Variants in CRADD observed in about 807,000 individuals in gnomAD.
CRADD encodes the protein CARD and death domain containing adaptor protein.
In CRADD, 9 loss-of-function variants were observed where a neutral mutation model predicts 15.5. The ratio of observed to expected loss-of-function variants is 0.58; its 90% CI spans 0.35 to 1.01. CRADD has a LOEUF of 1.01. Ranked by LOEUF, CRADD falls within the 50% of genes least tolerant of loss-of-function variation. The probability of loss-of-function intolerance (pLI) is 0.02; values close to 1 mark genes in which losing one functional copy is unlikely to be tolerated. For synonymous variants in CRADD, 118 were observed against 107.6 expected (o/e 1.10, Z -0.60); for missense variants, 227 against 250.3 (o/e 0.91, Z 0.63).
intron 2 of CRADD, among the ~76,000 whole-genome samples, chr12:93,795,970 T>C (rs1957411402): frequency 6.6e-6 from 1 of 152,218 alleles, no homozygotes; most frequent in African/African-American, 2.4e-5. Flanking sequence ...CTAACCAAGG[T>C]GAAATCTTTT....
chr12:93,873,922 G>A (rs1002290788), intron 2 of CRADD, among the ~76,000 whole-genome samples: 11 of 151,710 alleles, frequency 7.3e-5, no homozygotes, highest in African/African-American at 2.7e-4. Flanking sequence ...CTGTGTGTGT[G>A]TCTTTGGTTT....
chr12:93,680,046 G>A (rs959591732), intron 2 of CRADD, among the ~76,000 whole-genome samples: 1 of 152,168 alleles, frequency 6.6e-6, no homozygotes, highest in African/African-American at 2.4e-5. Flanking sequence ...AGAATTGGAA[G>A]CTGGAGAAGA....
At chr12:93,727,023 A>G (rs11610325) in intron 2 of CRADD, among the ~76,000 whole-genome samples, 20 of 152,198 alleles carry the variant, frequency 1.3e-4, no homozygotes, top group Non-Finnish European at 2.4e-4. Context: ...TTATGATTGC[A>G]TCTTTCAGCA....
intron 2 of CRADD, among the ~76,000 whole-genome samples, chr12:93,711,921 A>G (rs1242460269): frequency 1.3e-5 from 2 of 151,642 alleles, no homozygotes; most frequent in African/African-American, 4.9e-5. Context: ...ACTCCTGGCT[A>G]ATTTTTGTAT....
intron 2 of CRADD, among the ~76,000 whole-genome samples, chr12:93,720,608 C>T (rs1009245994): frequency 2.6e-5 from 4 of 152,186 alleles, no homozygotes; most frequent in African/African-American, 9.6e-5. Context: ...TAGGCACATA[C>T]ACACTAATGA....
rs370139115 is a variant in CRADD at position 93,804,884 on chromosome 12, C to T, written c.299-45086C>T. ...ACTCAGTGTCTGACCTTGCATTACC[C>T]TCCCTGATCTTAACTTCCCAGAACT... On this transcript the variant is annotated intron_variant, in intron 2 of 2. Transcript: ENST00000332896. Among the ~76,000 whole-genome samples the T allele has an allele frequency of 2.3e-4, 35 of 152,216 alleles. 1 individual carries two copies. Among genetic ancestry groups the T allele is most frequent in the African/African-American group, 7.9e-4 (33 of 41,558 alleles).
chr12:93,822,133 G>A (rs1029739485), intron 2 of CRADD, among the ~76,000 whole-genome samples: 1 of 146,112 alleles, frequency 6.8e-6, no homozygotes, highest in African/African-American at 2.5e-5. Flanking sequence ...AAAAAAAGAT[G>A]TAGACAGCAA....
At chr12:93,695,769 G>A (rs977440715) in intron 2 of CRADD, among the ~76,000 whole-genome samples, 2 of 152,244 alleles carry the variant, frequency 1.3e-5, no homozygotes, top group Middle Eastern at 3.4e-3. Context: ...GGTGGCACTC[G>A]CCTGTATTCC....
intron 2 of CRADD, among the ~76,000 whole-genome samples, chr12:93,879,804 T>G (rs1224572438): frequency 1.3e-5 from 2 of 152,218 alleles, no homozygotes; most frequent in African/African-American, 4.8e-5. Flanking sequence ...AATAACTAGC[T>G]GCTCTATGTG....
At chr12:93,747,441 T>C (rs1956770576) in intron 2 of CRADD, among the ~76,000 whole-genome samples, 2 of 152,054 alleles carry the variant, frequency 1.3e-5, no homozygotes, top group South Asian at 4.1e-4. Flanking sequence ...TTCTCTTTTT[T>C]TCCTTCCTCT....
At chr12:93,833,635 G>C (rs952373111) in intron 2 of CRADD, among the ~76,000 whole-genome samples, 7 of 152,136 alleles carry the variant, frequency 4.6e-5, no homozygotes, top group African/African-American at 1.7e-4. Flanking sequence ...CACTGCCTCA[G>C]CTATACACAC....
intron 2 of CRADD, among the ~76,000 whole-genome samples, chr12:93,732,617 A>C (rs530585506): frequency 7.6e-4 from 115 of 152,184 alleles, no homozygotes; most frequent in African/African-American, 2.6e-3. Context: ...GAATAGTGGA[A>C]CTCTTGTGTA....
chr12:93,880,719 A>T (rs1958492618), intron 2 of CRADD, among the ~76,000 whole-genome samples: 1 of 152,176 alleles, frequency 6.6e-6, no homozygotes, highest in Admixed American at 6.5e-5. Flanking sequence ...ATGTCTGGAG[A>T]TCAGTCAGAT....
At chr12:93,876,780 T>TG (rs1188956162) in intron 2 of CRADD, among the ~76,000 whole-genome samples, 3 of 152,196 alleles carry the variant, frequency 2.0e-5, no homozygotes, top group Non-Finnish European at 1.5e-5. Context: ...TTGAATTTTC[T>TG]GCCTGAAAGG....
At chr12:93,692,889 A>G (rs1955606593) in intron 2 of CRADD, among the ~76,000 whole-genome samples, 1 of 152,212 alleles carries the variant, frequency 6.6e-6, no homozygotes, top group African/African-American at 2.4e-5. Context: ...ATTAAAATGG[A>G]TATAACAACT....
intron 2 of CRADD, among the ~76,000 whole-genome samples, chr12:93,846,108 T>G (rs1170143673): frequency 6.6e-6 from 1 of 152,250 alleles, no homozygotes; most frequent in African/African-American, 2.4e-5. Flanking sequence ...GGATCATGTG[T>G]CAGAATTTCC....
At chr12:93,808,506 A>G (rs1957575039) in intron 2 of CRADD, among the ~76,000 whole-genome samples, 1 of 152,138 alleles carries the variant, frequency 6.6e-6, no homozygotes, top group Non-Finnish European at 1.5e-5. Context: ...GTAGGGACAC[A>G]GCAACACCAC....
At chr12:93,825,627 C>A (rs1324071727) in intron 2 of CRADD, among the ~76,000 whole-genome samples, 2 of 152,198 alleles carry the variant, frequency 1.3e-5, no homozygotes, top group African/African-American at 4.8e-5. Flanking sequence ...TCTCTTATTT[C>A]TCTTCTCTGT....
At chr12:93,710,448 C>T (rs533830741) in intron 2 of CRADD, among the ~76,000 whole-genome samples, 4 of 149,796 alleles carry the variant, frequency 2.7e-5, no homozygotes, top group South Asian at 2.1e-4. Flanking sequence ...TGGGTTCAAG[C>T]GATTCTCCTT....
Sources: gnomAD v4.1 joint callset for allele counts (sites outside exome capture counted in the v4.1 genomes callset) on GRCh38, gnomAD v4.1.1 for gene constraint, MANE v1.5 for transcripts, NCBI Gene and HGNC (gene_info 2026-07-23, HGNC 2026-07-21) for gene names.